IBSP: variants seen among roughly 807,000 people sequenced by gnomAD.
The protein encoded by IBSP is integrin binding sialoprotein, also known as integrin-binding sialoprotein.
IBSP carries 19 observed loss-of-function variants against 25.5 expected under a neutral mutation model. The ratio of observed to expected loss-of-function variants is 0.74; its 90% CI spans 0.52 to 1.09. The LOEUF (loss-of-function observed/expected upper bound fraction) is 1.09. Ranked by LOEUF, IBSP falls within the 50% of genes least tolerant of loss-of-function variation. The pLI is 0.00. For missense variants in IBSP, 360 were observed against 382.3 expected (o/e 0.94, Z 0.49); for synonymous variants, 144 against 137.6 (o/e 1.05, Z -0.33).
Position 87,810,593 on chromosome 4 carries a change from A to G in IBSP, c.247-13A>G, listed in dbSNP as rs1722156453. ...GGTAAAATAATTTTTCTTACTATGA[A>G]TATTTTTAACAGGAGACTTCAAATG... On this transcript the variant is annotated splice_polypyrimidine_tract_variant and intron_variant, in intron 5 of 6. Coordinates refer to ENST00000226284, the MANE Select transcript of IBSP (RefSeq NM_004967.4). 6.3e-7 allele frequency: 1 copy of G among 1,586,356 alleles called. No individual in the cohort carries two copies. Among genetic ancestry groups the G allele is most frequent in the Non-Finnish European group, 8.7e-7 (1 of 1,156,022 alleles).
rs374327315 is a variant in IBSP at position 87,802,418 on chromosome 4, A to G, written c.54+3A>G. 1 of 1,607,904 alleles carries G rather than the reference A, an allele frequency of 6.2e-7. No homozygotes were observed. Among genetic ancestry groups the G allele is most frequent in the Non-Finnish European group, 8.5e-7 (1 of 1,177,800 alleles). On this transcript the variant is annotated splice_donor_region_variant and intron_variant, in intron 2 of 6. Coordinates refer to ENST00000226284, the MANE Select transcript of IBSP (RefSeq NM_004967.4). ...TGGGAATGGCCTGTGCTTTCTCAGT[A>G]AGTTCTTTATCAAAACCCACAGTTA...
chr4:87,807,194 C>A (rs1337804964), intron 5 of IBSP, among the ~76,000 whole-genome samples: 2 of 152,010 alleles, frequency 1.3e-5, no homozygotes, highest in African/African-American at 4.8e-5. Context: ...GGAAACATAC[C>A]AATTAGGATG....
chr4:87,810,469 G>T (rs914745290), intron 5 of IBSP, 137 bp from the exon 6 acceptor site: 5 of 663,118 alleles, frequency 7.5e-6, no homozygotes, highest in South Asian at 1.9e-5. Flanking sequence ...GGGAAGGCAG[G>T]CTTTGAGTGA....
chr4:87,802,758 A>G, intron 4 of IBSP, 27 bp downstream of exon 4: 1 of 1,394,352 alleles, frequency 7.2e-7, no homozygotes, highest in Non-Finnish European at 9.6e-7. Flanking sequence ...ATTTTTCTTC[A>G]GTTTAATTTC....
At chr4:87,806,659 T>C (rs770523241) in intron 5 of IBSP, among the ~76,000 whole-genome samples, 51 of 152,144 alleles carry the variant, frequency 3.4e-4, no homozygotes, top group Non-Finnish European at 6.5e-4. Flanking sequence ...CTCTACAATA[T>C]TATTGTGATT....
At chr4:87,810,833 T>A in intron 6 of IBSP, 69 bp downstream of exon 6, 1 of 1,414,560 alleles carries the variant, frequency 7.1e-7, no homozygotes, top group Non-Finnish European at 9.8e-7. Flanking sequence ...TTCAATCTTT[T>A]TTAAACTTTT....
chr4:87,807,978 GGTAAACAAAACCAGAA>G (rs1722112794), intron 5 of IBSP, among the ~76,000 whole-genome samples: 1 of 152,068 alleles, frequency 6.6e-6, no homozygotes, highest in Non-Finnish European at 1.5e-5. Context: ...TGGAAAAGCG[GGTAAACAAAACCAGAA>G]GTCTTTCATC....
At position 87,811,924 on chromosome 4, in the gene IBSP, G is replaced by A. The variant is rs1411066741; in HGVS notation, c.*14G>A. ...CACCACCAGTGAAGCTCCAGCCTGG[G>A]ATGAATTCATCCATTCTGGCTTTGC... is the stretch of plus-strand genomic sequence containing the variant. On this transcript the variant is annotated 3_prime_UTR_variant, in exon 7 of 7. Transcript: ENST00000226284. The A allele has an allele frequency of 6.6e-7, 1 of 1,509,026 alleles. No individual in the cohort carries two copies. Among genetic ancestry groups the A allele is most frequent in the Non-Finnish European group, 8.9e-7 (1 of 1,129,510 alleles). The allele number at this position is 1,509,026 out of a possible 1,614,324, so 93.5% of individuals were successfully genotyped here. A position where few individuals can be genotyped will look rare whatever the true frequency, so the allele number is the denominator to read the frequency against.
At chr4:87,806,711 A>T (rs28731263) in intron 5 of IBSP, among the ~76,000 whole-genome samples, 12 of 152,226 alleles carry the variant, frequency 7.9e-5, no homozygotes, top group African/African-American at 2.9e-4. Flanking sequence ...TATTCTTTTT[A>T]AAAAAATTTC....
Position 87,802,654 on chromosome 4 carries a change from G to T in IBSP, c.106G>T (p.Val36Phe). The T allele has an allele frequency of 6.4e-7, 1 of 1,571,664 alleles. No homozygotes were observed. The highest frequency in any genetic ancestry group is 8.6e-7 in the Non-Finnish European group (1 of 1,166,434). Residue 36 changes from valine (V) to phenylalanine (F), a missense_variant and splice_region_variant, in exon 4 of 7, where the codon GTC becomes TTC. By Grantham distance (50) the Val-to-Phe change is conservative. Coordinates refer to ENST00000226284, the MANE Select transcript of IBSP (RefSeq NM_004967.4). ...TATATCATTTATTTTGTTTTTGCAGGTCTTTAAGTACAGGCCACGATATTA... is the reference window on the plus strand; with the variant it reads ...TATATCATTTATTTTGTTTTTGCAGTTCTTTAAGTACAGGCCACGATATTA... ...VKIEDSEENG[V>F]FKYRPRYYLY...
At chr4:87,805,873 A>T (rs937176003) in intron 4 of IBSP, among the ~76,000 whole-genome samples, 4 of 152,204 alleles carry the variant, frequency 2.6e-5, no homozygotes, top group Non-Finnish European at 5.9e-5. Context: ...GGGACATCCA[A>T]TTCATATCTT....
intron 4 of IBSP, among the ~76,000 whole-genome samples, chr4:87,803,525 G>A (rs1438780638): frequency 6.6e-6 from 1 of 152,182 alleles, no homozygotes; most frequent in Non-Finnish European, 1.5e-5. Context: ...GTACCATACA[G>A]TTTGGGTTCA....
In IBSP at chr4:87,811,789, A is replaced by C. The variant is rs751226015; in HGVS notation, c.833A>C (p.Tyr278Ser). Reference protein sequence around the residue: ...ANEYDNGYEIYESENGEPRGD... With the variant: ...ANEYDNGYEISESENGEPRGD... Reference sequence around the variant, plus strand: ...GAATACGACAATGGATATGAAATCTATGAAAGTGAGAACGGGGAACCTCGT... The same window carrying C: ...GAATACGACAATGGATATGAAATCTCTGAAAGTGAGAACGGGGAACCTCGT... The change falls in exon 7 of 7, where the codon TAT (tyrosine) becomes TCT (serine). Residue 278 changes from tyrosine (Y) to serine (S), a missense_variant. Coordinates refer to ENST00000226284, the MANE Select transcript of IBSP (RefSeq NM_004967.4). 3.1e-6 allele frequency: 5 copies of C among 1,613,680 alleles called. No homozygotes were observed. The South Asian group carries it at 5.5e-5, about 18-fold the overall frequency.
At chr4:87,800,327 GTTA>G (rs1222243459) in intron 1 of IBSP, among the ~76,000 whole-genome samples, 1 of 151,882 alleles carries the variant, frequency 6.6e-6, no homozygotes, top group Admixed American at 6.6e-5. Flanking sequence ...TCTTTGTATT[GTTA>G]TTATTATTAT....
chr4:87,802,358 C>T lies in IBSP; in HGVS notation c.-4C>T. 1 of 1,605,462 alleles carries T rather than the reference C, an allele frequency of 6.2e-7. No homozygotes were observed. Among genetic ancestry groups the T allele is most frequent in the South Asian group, 1.1e-5 (1 of 88,978 alleles). On this transcript the variant is annotated 5_prime_UTR_variant, in exon 2 of 7. Transcript: ENST00000226284. ...CTTCATTAATTCCAGAAGCAATCAC[C>T]AAAATGAAGACTGCTTTAATTTTGC...
chr4:87,806,546 A>T (rs1722091919), intron 5 of IBSP, among the ~76,000 whole-genome samples: 2 of 152,244 alleles, frequency 1.3e-5, no homozygotes, highest in African/African-American at 4.8e-5. Context: ...ATGTTAGAAG[A>T]CAAGTGAATA....
intron 4 of IBSP, among the ~76,000 whole-genome samples, chr4:87,803,182 G>T (rs1242863506): frequency 6.6e-6 from 1 of 152,058 alleles, no homozygotes; most frequent in East Asian, 1.9e-4. Flanking sequence ...AAACATCAGA[G>T]GCCATTGTTT....
rs372797724 is a variant in IBSP, at chr4:87,802,524, G to C, written c.71G>C (p.Arg24Pro). Residue 24 changes from arginine to proline, a missense_variant, in exon 3 of 7, where the codon CGA becomes CCA. Coordinates refer to ENST00000226284, the MANE Select transcript of IBSP (RefSeq NM_004967.4). ...TTAAAACAGATGAAAAATTTGCATC[G>C]AAGAGTCAAAATAGAGGATTCTGAA... is the stretch of plus-strand genomic sequence containing the variant. ...ACAFSMKNLH[R>P]RVKIEDSEEN... 1.3e-5 allele frequency: 21 copies of C among 1,605,786 alleles called. 1 individual carries two copies. Among genetic ancestry groups the C allele is most frequent in the East Asian group, 1.1e-4 (5 of 44,698 alleles).
chr4:87,802,627 A>C (rs377114668), intron 3 of IBSP, 27 bp from the exon 4 acceptor site: 1 of 1,566,244 alleles, frequency 6.4e-7, no homozygotes, highest in African/African-American at 1.4e-5. Context: ...ATTAAACATG[A>C]ATATATCATT....
Sources: gnomAD v4.1 joint callset for allele counts (sites outside exome capture counted in the v4.1 genomes callset) on GRCh38, gnomAD v4.1.1 for gene constraint, MANE v1.5 for transcripts, NCBI Gene and HGNC (gene_info 2026-07-23, HGNC 2026-07-21) for gene names.